ZNF532: variants seen among roughly 807,000 people sequenced by gnomAD.
The protein encoded by ZNF532 is zinc finger protein 532.
ZNF532 carries 22 observed loss-of-function variants against 89.3 expected under a neutral mutation model. That is an observed-to-expected ratio of 0.25 (90% CI 0.18 to 0.35). The LOEUF is 0.35. ZNF532 is among the 10% of genes least tolerant of loss of function. The probability of loss-of-function intolerance (pLI) is 1.00; values close to 1 mark genes in which losing one functional copy is unlikely to be tolerated. For missense variants in ZNF532, 1,132 were observed against 1,643.4 expected (o/e 0.69, Z 5.38); for synonymous variants, 606 against 649.6 (o/e 0.93, Z 1.02).
At chr18:58,954,028 G>T (rs2147054446) in intron 7 of ZNF532, 1 of 985,334 alleles carries the variant, frequency 1.0e-6, no homozygotes, top group African/African-American at 1.7e-5. Flanking sequence ...CTCCAGACTG[G>T]TGTGCATGAA....
rs139064496 is a variant in ZNF532 at position 58,897,731 on chromosome 18, T to G, written c.-17-20540T>G. Among the ~76,000 whole-genome samples, 535 of 152,316 alleles carry G rather than the reference T, an allele frequency of 3.5e-3. 3 individuals carry two copies. The highest frequency in any genetic ancestry group is 0.013 in the African/African-American group (525 of 41,562). On this transcript the variant is annotated intron_variant, in intron 2 of 9. Transcript: ENST00000591808. The stretch of plus-strand genomic sequence containing the variant: ...ACTTAGGGAGCCCGAGGCAGGCAGA[T>G]CACCTGAGATCAGGAGTTTGAGACC...
Position 58,888,758 on chromosome 18 carries a change from ATTAATATATATAAT to A in ZNF532, c.-18+23183_-18+23196del, listed in dbSNP as rs2058552940. ...TATATATATTTTATATATATATAAA[ATTAATATATATAAT>A]TTATATATATATAAAATATATATAA... On this transcript the variant is annotated intron_variant, in intron 2 of 9. Transcript: ENST00000591808. Among the ~76,000 whole-genome samples the A allele has an allele frequency of 2.0e-4, 6 of 29,522 alleles. 1 individual carries two copies. Among genetic ancestry groups the A allele is most frequent in the East Asian group, 5.0e-3 (2 of 402 alleles). The allele number at this position is 29,522 out of a possible 152,430, so 19.4% of individuals were successfully genotyped here.
At chr18:58,974,142 T>A (rs1276363683) in intron 7 of ZNF532, among the ~76,000 whole-genome samples, 2 of 152,002 alleles carry the variant, frequency 1.3e-5, no homozygotes, top group South Asian at 2.1e-4. Context: ...TGCGGTAAAA[T>A]TTTTTTTGGA....
At chr18:58,912,930 T>TA (rs1568299910) in intron 2 of ZNF532, among the ~76,000 whole-genome samples, 5 of 151,678 alleles carry the variant, frequency 3.3e-5, no homozygotes, top group Non-Finnish European at 5.9e-5. Flanking sequence ...TCAAATTTTT[T>TA]AAAAAAACTT....
chr18:58,870,289 A>C (rs2080077616), intron 2 of ZNF532, among the ~76,000 whole-genome samples: 1 of 152,084 alleles, frequency 6.6e-6, no homozygotes, highest in South Asian at 2.1e-4. Context: ...CCAGGGAGAA[A>C]AATCTAGTGG....
rs758149495 is a variant in ZNF532 at position 58,939,635 on chromosome 18, AC to A, written c.2705+15del. On this transcript the variant is annotated intron_variant, in intron 5 of 9. Transcript: ENST00000591808. Reference sequence around the variant, plus strand: ...AGGAGAACCAAAGTAAGTCATACCGACTTTCAAGTTTTACTCCACTGCTTTA... The same window carrying A: ...AGGAGAACCAAAGTAAGTCATACCGATTTCAAGTTTTACTCCACTGCTTTA... 1 of 1,604,222 alleles carries A rather than the reference AC, an allele frequency of 6.2e-7. No homozygotes were observed. Among genetic ancestry groups the A allele is most frequent in the Non-Finnish European group, 8.5e-7 (1 of 1,175,860 alleles).
intron 7 of ZNF532, among the ~76,000 whole-genome samples, chr18:58,961,177 G>A (rs553575733): frequency 6.6e-6 from 1 of 152,260 alleles, no homozygotes; most frequent in African/African-American, 2.4e-5. Context: ...TGATTCAGCA[G>A]GTCTGGGATG....
At chr18:58,925,401 A>G (rs764765754) in intron 3 of ZNF532, among the ~76,000 whole-genome samples, 1 of 152,120 alleles carries the variant, frequency 6.6e-6, no homozygotes, top group African/African-American at 2.4e-5. Context: ...TTAATTTGCC[A>G]TCTGTTTTTC....
At position 58,880,768 on chromosome 18, in the gene ZNF532, G is replaced by A. The variant is rs1568227539; in HGVS notation, c.-18+15189G>A. On this transcript the variant is annotated intron_variant, in intron 2 of 9. Coordinates refer to ENST00000591808, the MANE Select transcript of ZNF532 (RefSeq NM_001375912.1). ...CTCTCATAGGCGCGCGCGCACGCGC[G>A]CGCGTCTGTGTGTGTGTGTGTATGT... Among the ~76,000 whole-genome samples, 11 of 145,408 alleles carry A rather than the reference G, an allele frequency of 7.6e-5. 1 individual carries two copies. The highest frequency in any genetic ancestry group is 2.7e-4 in the African/African-American group (10 of 37,342).
intron 2 of ZNF532, among the ~76,000 whole-genome samples, chr18:58,891,750 C>T (rs141305628): frequency 0.015 from 2,281 of 152,250 alleles, 20 homozygotes; most frequent in Non-Finnish European, 0.02. Flanking sequence ...TCTGTTCTGA[C>T]CAGTCCTCGT....
chr18:58,871,401 CCTCA>C, intron 2 of ZNF532, among the ~76,000 whole-genome samples: 1 of 152,304 alleles, frequency 6.6e-6, no homozygotes, highest in Non-Finnish European at 1.5e-5. Flanking sequence ...TATTATGTTA[CCTCA>C]TTTGATACCG....
intron 7 of ZNF532, among the ~76,000 whole-genome samples, chr18:58,959,260 G>GTTTTTTTTTTTTTTTTTTT (rs1459830009): frequency 7.8e-6 from 1 of 128,708 alleles, no homozygotes; most frequent in African/African-American, 3.3e-5. Context: ...TTTGTTTTTT[G>GTTTTTTTTTTTTTTTTTTT]TTTTTTTTTG....
chr18:58,955,869 G>C (rs971562959), intron 7 of ZNF532, among the ~76,000 whole-genome samples: 2 of 152,092 alleles, frequency 1.3e-5, no homozygotes, highest in African/African-American at 4.8e-5. Context: ...AATAATCTAC[G>C]GTATAAGTAC....
At position 58,948,216 on chromosome 18, in the gene ZNF532, T is replaced by C. The variant is rs1055957905; in HGVS notation, c.2855T>C (p.Met952Thr). 3 of 1,611,946 alleles carry C rather than the reference T, an allele frequency of 1.9e-6. No individual in the cohort carries two copies. The highest frequency in any genetic ancestry group is 2.5e-6 in the Non-Finnish European group (3 of 1,179,134). The change falls in exon 6 of 10, where the codon ATG becomes ACG. Residue 952 changes from methionine to threonine, a missense_variant. Around this residue, in one of 9 missense-constraint regions of ZNF532, gnomAD observed 415 missense variants for 604.8 expected, o/e 0.69. Coordinates refer to ENST00000591808, the MANE Select transcript of ZNF532 (RefSeq NM_001375912.1). ...TTATATGCACAGAAGCAACTTATGA[T>C]GGACCATATCAAGGTGTGTGTGCAT... The part of the protein sequence containing the change: ...SLLYAQKQLM[M>T]DHIKSMHGTL...
chr18:58,942,048 A>C (rs1256751179), intron 5 of ZNF532, among the ~76,000 whole-genome samples: 8 of 87,868 alleles, frequency 9.1e-5, no homozygotes, highest in Non-Finnish European at 1.3e-4. Flanking sequence ...CCCCCCCCTC[A>C]GTCTCGCTGT....
rs140437911 is a variant in ZNF532, at chr18:58,939,022, G to A, written c.2529-423G>A. ...AGCATTTTGGGAAGCTGAGGTGGGC[G>A]AATCACTTGAGGCTAGGAGTTTGAG... is the stretch of plus-strand genomic sequence containing the variant. On this transcript the variant is annotated intron_variant, in intron 4 of 9. Coordinates refer to ENST00000591808, the MANE Select transcript of ZNF532 (RefSeq NM_001375912.1). Among the ~76,000 whole-genome samples, 15 of 152,092 alleles carry A rather than the reference G, an allele frequency of 9.9e-5. No homozygotes were observed. The East Asian group carries it at 2.1e-3, about 22-fold the overall frequency.
In ZNF532 at chr18:58,919,200, A is replaced by C; in HGVS notation, c.913A>C (p.Asn305His). The C allele has an allele frequency of 1.2e-6, 2 of 1,614,138 alleles. No homozygotes were observed. The highest frequency in any genetic ancestry group is 2.7e-5 in the African/African-American group (2 of 75,050). ...RESSPLPKEV[N>H]DSPRAADKSP... ...ATCCTCCCCGTTACCAAAAGAAGTA[A>C]ATGACAGTCCGAGAGCCGCTGACAA... The change falls in exon 3 of 10, where the codon AAT becomes CAT. Residue 305 changes from asparagine (N) to histidine (H), a missense_variant. This residue lies in a region of ZNF532 where 124 missense variants were observed against 191.6 expected (regional missense o/e 0.65). Coordinates refer to ENST00000591808, the MANE Select transcript of ZNF532 (RefSeq NM_001375912.1). This position sits in a 1 kb window ranked among gnomAD's most constrained non-coding sequence, Gnocchi z 6.1.
At chr18:58,903,953 A>G (rs901401566) in intron 2 of ZNF532, among the ~76,000 whole-genome samples, 6 of 152,362 alleles carry the variant, frequency 3.9e-5, no homozygotes, top group Admixed American at 1.3e-4. Context: ...TTCAGCATAC[A>G]TTGGGAACAG....
At chr18:58,900,175 C>T (rs1267967969) in intron 2 of ZNF532, among the ~76,000 whole-genome samples, 1 of 152,214 alleles carries the variant, frequency 6.6e-6, no homozygotes, top group Non-Finnish European at 1.5e-5. Context: ...GCCTGTCCTC[C>T]AGGGGCTTCT....
Sources: allele counts gnomAD v4.1 joint callset (sites outside exome capture counted in the v4.1 genomes callset), GRCh38; gene constraint gnomAD v4.1.1; regional missense constraint gnomAD v4.1.1; non-coding constraint Gnocchi (gnomAD v3.1); transcripts MANE v1.5; gene names NCBI Gene and HGNC (gene_info 2026-07-23, HGNC 2026-07-21).